SRP19: variants seen among roughly 807,000 people sequenced by gnomAD.
SRP19 encodes the protein signal recognition particle 19.
Under a neutral mutation model 22.4 loss-of-function variants are expected in SRP19, and 11 were observed. The observed-to-expected ratio is 0.49, with a 90% CI of 0.31 to 0.81. SRP19 has a LOEUF of 0.81. Ranked by LOEUF, SRP19 falls within the 40% of genes least tolerant of loss-of-function variation. The probability of loss-of-function intolerance (pLI) is 0.05; values close to 1 mark genes in which losing one functional copy is unlikely to be tolerated. For missense variants in SRP19, 168 were observed against 175.9 expected (o/e 0.96, Z 0.25); for synonymous variants, 61 against 57.6 (o/e 1.06, Z -0.27).
At chr5:112,875,338 A>G (rs907603050) in intron 4 of SRP19, among the ~76,000 whole-genome samples, 3 of 151,572 alleles carry the variant, frequency 2.0e-5, no homozygotes, top group East Asian at 3.9e-4. Context: ...GGACCAGCGC[A>G]TACCTTCAGA....
At chr5:112,871,767 T>A (rs1363510706), downstream of SRP19, among the ~76,000 whole-genome samples, 1 of 151,868 alleles carries the variant, frequency 6.6e-6, no homozygotes, top group Non-Finnish European at 1.5e-5. Flanking sequence ...TCAAAAAAAA[T>A]TTTTTTAAGA....
chr5:112,879,858 C>T (rs12152818), intron 4 of SRP19, among the ~76,000 whole-genome samples: 2 of 151,776 alleles, frequency 1.3e-5, no homozygotes, highest in Non-Finnish European at 2.9e-5. Flanking sequence ...GTGGGAAGAT[C>T]GCTTGAAGCC....
At chr5:112,876,081 T>TTAAG (rs1491114818) in intron 4 of SRP19, among the ~76,000 whole-genome samples, 1 of 152,122 alleles carries the variant, frequency 6.6e-6, no homozygotes, top group Non-Finnish European at 1.5e-5. Context: ...ATACACTATC[T>TTAAG]TAAGTCATAG....
intron 1 of SRP19, 151 bp from the exon 2 acceptor site, chr5:112,862,357 C>A: frequency 4.3e-6 from 3 of 696,836 alleles, no homozygotes; most frequent in Non-Finnish European, 5.0e-6. Context: ...TTTGATTTTT[C>A]AACTGCCACG....
chr5:112,891,662 C>T (rs1294597665), exon 5 of SRP19: 11 of 1,611,652 alleles, frequency 6.8e-6, no homozygotes, highest in East Asian at 4.5e-5. Flanking sequence ...GAGAAGATGA[C>T]GTTTCCCAAG....
At chr5:112,865,654 C>T (rs568823359) in intron 4 of SRP19, among the ~76,000 whole-genome samples, 26 of 150,450 alleles carry the variant, frequency 1.7e-4, no homozygotes, top group African/African-American at 4.2e-4. Flanking sequence ...AGTACAGTGG[C>T]GCGATCTCAG....
chr5:112,872,322 C>CTTTTTCTTTTTT (rs1767777162), downstream of SRP19, among the ~76,000 whole-genome samples: 1 of 92,692 alleles, frequency 1.1e-5, no homozygotes, highest in African/African-American at 4.1e-5. Flanking sequence ...CCAAATGATT[C>CTTTTTCTTTTTT]TTTTTTTTTT....
In SRP19 at chr5:112,868,454, GCAA is replaced by G. The variant is rs765091818; in HGVS notation, c.*918_*920del. 119 of 865,568 alleles carry G rather than the reference GCAA, an allele frequency of 1.4e-4. No homozygotes were observed. The highest frequency in any genetic ancestry group is 1.6e-4 in the Non-Finnish European group (116 of 720,014). The allele number at this position is 865,568 out of a possible 1,614,324, so 53.6% of individuals were successfully genotyped here. A position where few individuals can be genotyped will look rare whatever the true frequency, so the allele number is the denominator to read the frequency against. ...TCACTCTTGTTGCCTAGGCTGGAGT[GCAA>G]TGGCACGATATCGGCGTACCACAAC... On this transcript the variant is annotated 3_prime_UTR_variant, in exon 5 of 5. Coordinates refer to ENST00000505459, the MANE Select transcript of SRP19 (RefSeq NM_003135.3).
intron 4 of SRP19, among the ~76,000 whole-genome samples, chr5:112,884,736 T>C (rs747456411): frequency 1.4e-4 from 21 of 151,728 alleles, no homozygotes; most frequent in Middle Eastern, 6.8e-3. Context: ...ATAGATTTCC[T>C]AAACGTCTCT....
rs1767642953 is a variant in SRP19, at chr5:112,867,441, T to C, written c.339T>C (p.Pro113=). The C allele has an allele frequency of 6.2e-7, 1 of 1,613,824 alleles. No homozygotes were observed. Among genetic ancestry groups the C allele is most frequent in the Admixed American group, 1.7e-5 (1 of 59,996 alleles). Residue 113 remains proline, a synonymous_variant, in exon 5 of 5, where the codon CCT becomes CCC. Transcript: ENST00000505459. Reference sequence around the variant, plus strand: ...TGTTGTATGCAGCAGAAATGATACCTAAACTAAAAACAAGGACACAAAAAA... The same window carrying C: ...TGTTGTATGCAGCAGAAATGATACCCAAACTAAAAACAAGGACACAAAAAA... The part of the protein sequence containing the change: ...SVMLYAAEMI[P]KLKTRTQKTG...
At chr5:112,889,039 C>T (rs920664395) in intron 4 of SRP19, among the ~76,000 whole-genome samples, 3 of 150,764 alleles carry the variant, frequency 2.0e-5, no homozygotes, top group Admixed American at 1.3e-4. Context: ...TCTTGCCTGC[C>T]GCCACCATGT....
At chr5:112,862,001 C>T (rs1420388340) in intron 1 of SRP19, among the ~76,000 whole-genome samples, 2 of 152,140 alleles carry the variant, frequency 1.3e-5, no homozygotes, top group African/African-American at 4.8e-5. Context: ...GCAATGATGA[C>T]GACTACCACG....
intron 4 of SRP19, among the ~76,000 whole-genome samples, chr5:112,865,759 A>G (rs1034705861): frequency 6.6e-6 from 1 of 152,208 alleles, no homozygotes; most frequent in East Asian, 1.9e-4. Context: ...ACACCCAGCT[A>G]ACTTTTGTAT....
At chr5:112,874,967 G>A (rs547512283) in intron 4 of SRP19, among the ~76,000 whole-genome samples, 12 of 152,090 alleles carry the variant, frequency 7.9e-5, no homozygotes, top group African/African-American at 2.9e-4. Context: ...GGAGAGACAG[G>A]GTTTCACCAT....
At chr5:112,895,637 G>A (rs1320907889), downstream of SRP19, 1 of 152,238 alleles carries the variant, frequency 6.6e-6, no homozygotes, top group South Asian at 2.1e-4. Context: ...TACATCCTTA[G>A]CATTTTCCTG....
downstream of SRP19, chr5:112,893,784 C>G (rs1768582681): frequency 6.6e-6 from 1 of 152,264 alleles, no homozygotes; most frequent in Non-Finnish European, 1.5e-5. Context: ...GGTCCAAGCA[C>G]TCCAAGGAAG....
downstream of SRP19, chr5:112,894,116 T>G (rs1165784763): frequency 9.1e-5 from 10 of 109,586 alleles, no homozygotes; most frequent in South Asian, 7.2e-4. Context: ...GTTTTTTTGG[T>G]TTTTTTTGTT....
chr5:112,891,652 GAGAAGATGACGTTTCCCA>G (rs1382413107), exon 5 of SRP19: 2 of 1,609,348 alleles, frequency 1.2e-6, no homozygotes, highest in Admixed American at 1.7e-5. Context: ...GGCTGCACTT[GAGAAGATGACGTTTCCCA>G]AGAAGATGAC....
At chr5:112,874,709 A>C (rs959174423), downstream of SRP19, among the ~76,000 whole-genome samples, 1 of 151,982 alleles carries the variant, frequency 6.6e-6, no homozygotes, top group Non-Finnish European at 1.5e-5. Flanking sequence ...AGAATCTGAG[A>C]GGACAGTAAT....
Sources: gnomAD v4.1 joint callset for allele counts (sites outside exome capture counted in the v4.1 genomes callset) on GRCh38, gnomAD v4.1.1 for gene constraint, MANE v1.5 for transcripts, NCBI Gene and HGNC (gene_info 2026-07-23, HGNC 2026-07-21) for gene names.